Variants in HDAC8 observed in about 807,000 individuals in gnomAD.
HDAC8 encodes the protein histone deacetylase-like 1.
Under a neutral mutation model 32.2 loss-of-function variants are expected in HDAC8, and 1 was observed. The observed-to-expected ratio is 0.03, with a 90% CI of 0.01 to 0.15. The LOEUF is 0.15. Among genes scored for constraint, HDAC8 ranks in the 10% least tolerant of loss-of-function variants. The pLI is 1.00. For missense variants in HDAC8, 117 were observed against 300.0 expected, an observed-to-expected ratio of 0.39 and a Z score of 4.51; for synonymous variants, 108 against 113.9, an observed-to-expected ratio of 0.95 and a Z score of 0.33.
chrX:72,514,632 C>T (rs1569360858), intron 4 of HDAC8, among the ~76,000 whole-genome samples: 2 of 111,750 alleles, frequency 1.8e-5, no homozygotes, highest in African/African-American at 3.2e-5. Context: ...GTCCAGAACC[C>T]TATGTATTTA....
At chrX:72,442,813 T>G in intron 9 of HDAC8, among the ~76,000 whole-genome samples, 1 of 111,216 alleles carries the variant, frequency 9.0e-6, no homozygotes, top group Non-Finnish European at 1.9e-5. Flanking sequence ...GAGACACACA[T>G]AGGCTCAAAA....
At chrX:72,431,505 C>T (rs1356180814) in intron 9 of HDAC8, among the ~76,000 whole-genome samples, 2 of 111,324 alleles carry the variant, frequency 1.8e-5, no homozygotes, top group African/African-American at 6.5e-5. Context: ...CTAAGGTGAA[C>T]ATTCTTGTAC....
chrX:72,505,413 G>T (rs140640518), intron 4 of HDAC8, among the ~76,000 whole-genome samples: 218 of 111,718 alleles, frequency 2.0e-3, no homozygotes, highest in African/African-American at 6.7e-3. Flanking sequence ...CACCACTCTA[G>T]GTTATCAGAG....
chrX:72,553,089 G>A (rs1215890650), intron 4 of HDAC8, among the ~76,000 whole-genome samples: 3 of 110,942 alleles, frequency 2.7e-5, no homozygotes, highest in African/African-American at 9.9e-5. Context: ...CTGTCGCCCA[G>A]GCTGGAGTGC....
intron 9 of HDAC8, among the ~76,000 whole-genome samples, chrX:72,359,049 T>C (rs1555951658): frequency 9.3e-6 from 1 of 107,038 alleles, no homozygotes; most frequent in Non-Finnish European, 1.9e-5. Context: ...GGACCCCTGC[T>C]GTATACTGTT....
At chrX:72,460,924 C>A (rs2148036431) in intron 9 of HDAC8, among the ~76,000 whole-genome samples, 1 of 112,138 alleles carries the variant, frequency 8.9e-6, no homozygotes, top group Admixed American at 9.4e-5. Flanking sequence ...CTGACATCAG[C>A]AAATTGTCTC....
At chrX:72,431,669 G>A (rs1555977529) in intron 9 of HDAC8, among the ~76,000 whole-genome samples, 2 of 111,033 alleles carry the variant, frequency 1.8e-5, no homozygotes, top group African/African-American at 6.6e-5. Flanking sequence ...CTTTGTTGAA[G>A]TTCCTCTCAT....
intron 4 of HDAC8, among the ~76,000 whole-genome samples, chrX:72,515,595 G>C (rs1451973182): frequency 1.2e-5 from 1 of 81,944 alleles, no homozygotes; most frequent in Admixed American, 1.4e-4. Flanking sequence ...TGTGGGGGGG[G>C]GGTGGGGGGG....
chrX:72,431,380 C>T (rs782190299), intron 9 of HDAC8, among the ~76,000 whole-genome samples: 26 of 111,852 alleles, frequency 2.3e-4, no homozygotes, highest in Non-Finnish European at 3.6e-4. Flanking sequence ...CTCTCCCATG[C>T]TGCTGAATTA....
chrX:72,398,387 G>A (rs1602686075), intron 9 of HDAC8, among the ~76,000 whole-genome samples: 1 of 110,820 alleles, frequency 9.0e-6, no homozygotes, highest in South Asian at 3.9e-4. Flanking sequence ...GTGCAGTGGC[G>A]CAATCATAGC....
At chrX:72,419,540 A>G (rs1602750077) in intron 9 of HDAC8, among the ~76,000 whole-genome samples, 1 of 111,732 alleles carries the variant, frequency 8.9e-6, no homozygotes, top group African/African-American at 3.2e-5. Flanking sequence ...CATATCAAGA[A>G]AACGAAAAGA....
At chrX:72,485,008 C>T (rs993634727) in intron 7 of HDAC8, among the ~76,000 whole-genome samples, 7 of 111,770 alleles carry the variant, frequency 6.3e-5, no homozygotes, top group African/African-American at 1.9e-4. Flanking sequence ...CCCTTCCTTT[C>T]GCAAAGCAGC....
chrX:72,369,882 C>T (rs2044817219), intron 9 of HDAC8, among the ~76,000 whole-genome samples: 1 of 112,779 alleles, frequency 8.9e-6, no homozygotes, highest in Non-Finnish European at 1.9e-5. Flanking sequence ...ATGACATTTA[C>T]GCAGCTGAAC....
At chrX:72,489,261 C>T (rs1167314911) in intron 6 of HDAC8, 5 of 487,237 alleles carry the variant, frequency 1.0e-5, no homozygotes, top group Admixed American at 1.0e-4. Flanking sequence ...AAGAGATTAA[C>T]TCCTTTGCTT....
chrX:72,355,904 G>A (rs1248738019), intron 9 of HDAC8, among the ~76,000 whole-genome samples: 2 of 111,672 alleles, frequency 1.8e-5, no homozygotes, highest in Non-Finnish European at 3.8e-5. Context: ...TAGTCATTGG[G>A]GTACAAAGAC....
At chrX:72,536,282 T>C (rs187844561) in intron 4 of HDAC8, among the ~76,000 whole-genome samples, 36 of 111,955 alleles carry the variant, frequency 3.2e-4, no homozygotes, top group East Asian at 1.7e-3. Context: ...TTTGACTTCA[T>C]AGTTATATCA....
intron 7 of HDAC8, among the ~76,000 whole-genome samples, chrX:72,485,715 A>G (rs1266155936): frequency 8.9e-6 from 1 of 112,116 alleles, no homozygotes; most frequent in Non-Finnish European, 1.9e-5. Flanking sequence ...CAAACTAGAA[A>G]TTGGGTGGCA....
chrX:72,330,125 A>C (rs1555939805), intron 10 of HDAC8, 49 bp from the exon 11 acceptor site: 3 of 1,048,723 alleles, frequency 2.9e-6, no homozygotes, highest in Non-Finnish European at 4.0e-6. Flanking sequence ...ATGTATGTGA[A>C]TTATACCCCA....
chrX:72,461,107 G>A (rs2047855589), intron 9 of HDAC8, among the ~76,000 whole-genome samples: 1 of 112,261 alleles, frequency 8.9e-6, no homozygotes, highest in African/African-American at 3.2e-5. Context: ...CAAGTGTACA[G>A]CTACTGTATC....
Sources: gnomAD v4.1 joint callset for allele counts (sites outside exome capture counted in the v4.1 genomes callset) on GRCh38, gnomAD v4.1.1 for gene constraint, MANE v1.5 for transcripts, NCBI Gene and HGNC (gene_info 2026-07-23, HGNC 2026-07-21) for gene names.